Variants in TCN2 observed in about 807,000 individuals in gnomAD.
The protein encoded by TCN2 is transcobalamin 2, also known as transcobalamin-2.
TCN2 carries 34 observed loss-of-function variants against 48.6 expected under a neutral mutation model. The observed-to-expected ratio is 0.70, with a 90% CI of 0.53 to 0.93. TCN2 has a LOEUF of 0.93. TCN2 is among the 40% of genes least tolerant of loss of function. The pLI is 0.00. For missense variants in TCN2, 652 were observed against 526.1 expected, an observed-to-expected ratio of 1.24 and a Z score of -2.34; for synonymous variants, 283 against 212.5, an observed-to-expected ratio of 1.33 and a Z score of -2.89.
chr22:30,611,572 A>G (rs530193133), intron 2 of TCN2, among the ~76,000 whole-genome samples: 7 of 152,296 alleles, frequency 4.6e-5, no homozygotes, highest in African/African-American at 1.4e-4. Flanking sequence ...CAGTGGCACA[A>G]TCTTGGCTTG....
chr22:30,617,273 A>G (rs2087624525), intron 6 of TCN2, 57 bp from the exon 7 acceptor site: 1 of 1,611,648 alleles, frequency 6.2e-7, no homozygotes, highest in African/African-American at 1.3e-5. Context: ...CAAGAAGACA[A>G]ATAATCCAGG....
At chr22:30,624,376 C>G (rs2087772029) in intron 8 of TCN2, among the ~76,000 whole-genome samples, 1 of 151,826 alleles carries the variant, frequency 6.6e-6, no homozygotes, top group African/African-American at 2.4e-5. Context: ...GCCTGGCCTG[C>G]AAACAGACCC....
At chr22:30,607,945 G>A (rs1229104497) in intron 1 of TCN2, among the ~76,000 whole-genome samples, 18 of 150,408 alleles carry the variant, frequency 1.2e-4, no homozygotes, top group Non-Finnish European at 6.0e-5. Context: ...GCTGAAACTC[G>A]AAGGAAGAAA....
intron 7 of TCN2, among the ~76,000 whole-genome samples, chr22:30,621,589 T>C (rs2087700145): frequency 6.6e-6 from 1 of 152,152 alleles, no homozygotes; most frequent in South Asian, 2.1e-4. Context: ...TTCAAGTGAT[T>C]CTCCTGCCTC....
chr22:30,611,338 G>A (rs1334586260), intron 2 of TCN2, among the ~76,000 whole-genome samples: 9 of 152,122 alleles, frequency 5.9e-5, no homozygotes, highest in African/African-American at 1.9e-4. Context: ...ATGAGCCCAG[G>A]AGCAGCATCT....
At chr22:30,623,142 G>A in intron 8 of TCN2, 59 bp downstream of exon 8, 3 of 1,577,962 alleles carry the variant, frequency 1.9e-6, no homozygotes, top group South Asian at 1.1e-5. Flanking sequence ...TCAGCCAAGA[G>A]GCTTCATCAA....
chr22:30,614,471 G>C lies in TCN2; in HGVS notation c.550G>C (p.Glu184Gln), dbSNP rs1298409889. 1.9e-6 allele frequency: 3 copies of C among 1,614,046 alleles called. No individual in the cohort carries two copies. Among genetic ancestry groups the C allele is most frequent in the African/African-American group, 2.7e-5 (2 of 74,924 alleles). Reference protein sequence around the residue: ...SVVDKLLYAVEPFHQGHHSVD... With the variant: ...SVVDKLLYAVQPFHQGHHSVD... ...GGTGGACAAACTTCTGTATGCTGTGGAACCTTTCCACCAGGGCCACCATTC... is the reference window on the plus strand; with the variant it reads ...GGTGGACAAACTTCTGTATGCTGTGCAACCTTTCCACCAGGGCCACCATTC... Residue 184 changes from glutamate (E) to glutamine (Q), a missense_variant, in exon 4 of 9, where the codon GAA (glutamate) becomes CAA (glutamine). By Grantham distance (29) the Glu-to-Gln change is conservative. Transcript: ENST00000215838.
chr22:30,623,147 CA>C, intron 8 of TCN2, 64 bp downstream of exon 8: 1 of 1,540,888 alleles, frequency 6.5e-7, no homozygotes, highest in Non-Finnish European at 9.0e-7. Context: ...CAAGAGGCTT[CA>C]TCAACTCACC....
rs117458738 is a variant in TCN2, at chr22:30,617,387, C to T, written c.998C>T (p.Thr333Met). 1,848 of 1,614,146 alleles carry T rather than the reference C, an allele frequency of 1.1e-3. 35 individuals carry two copies. In the East Asian group the frequency reaches 0.033, roughly 29 times the overall value. The change falls in exon 7 of 9, where the codon ACG (threonine) becomes ATG (methionine). Residue 333 changes from threonine to methionine, a missense_variant. By Grantham distance (81) the Thr-to-Met change is moderately conservative. Coordinates refer to ENST00000215838, the MANE Select transcript of TCN2 (RefSeq NM_000355.4). ...IPQTQEIISV[T>M]LQVLSLLPPY... ...CAGACCCAAGAGATCATCAGTGTCA[C>T]GCTGCAGGTGCTTAGTCTCTTGCCG...
chr22:30,616,679 T>TA (rs760503360), intron 6 of TCN2, among the ~76,000 whole-genome samples: 4 of 151,816 alleles, frequency 2.6e-5, no homozygotes, highest in Non-Finnish European at 5.9e-5. Flanking sequence ...TAGACACCTA[T>TA]AATCCCAGCT....
chr22:30,625,582 C>T (rs1336737999), intron 8 of TCN2, among the ~76,000 whole-genome samples: 1 of 152,104 alleles, frequency 6.6e-6, no homozygotes, highest in Non-Finnish European at 1.5e-5. Flanking sequence ...CCCACCTCAG[C>T]CTCCTGAGTA....
intron 3 of TCN2, 49 bp from the exon 4 acceptor site, chr22:30,614,300 C>G (rs2087579543): frequency 6.3e-7 from 1 of 1,595,630 alleles, no homozygotes; most frequent in East Asian, 2.3e-5. Context: ...GCGGGGCTGG[C>G]TGCTGGGTGG....
chr22:30,612,449 C>A (rs4820884), intron 2 of TCN2, among the ~76,000 whole-genome samples: 5,534 of 152,110 alleles, frequency 0.036, 133 homozygotes, highest in African/African-American at 0.059. Flanking sequence ...ACTTGGGAGG[C>A]CGAGGCAGAA....
chr22:30,618,686 C>T (rs2087651843), intron 7 of TCN2, among the ~76,000 whole-genome samples: 1 of 151,694 alleles, frequency 6.6e-6, no homozygotes, highest in African/African-American at 2.4e-5. Flanking sequence ...CTCTGTTATC[C>T]AGGCTGAAGT....
chr22:30,615,400 G>C lies in TCN2; in HGVS notation c.680G>C (p.Arg227Pro), dbSNP rs17849434. The C allele has an allele frequency of 1.2e-6, 2 of 1,614,078 alleles. No individual in the cohort carries two copies. Among genetic ancestry groups the C allele is most frequent in the African/African-American group, 2.7e-5 (2 of 74,924 alleles). The change falls in exon 5 of 9, where the codon CGA becomes CCA. Residue 227 changes from arginine (R) to proline (P), a missense_variant. Physicochemically the swap from Arg to Pro is moderately radical, Grantham distance 103. Coordinates refer to ENST00000215838, the MANE Select transcript of TCN2 (RefSeq NM_000355.4). Reference sequence around the variant, plus strand: ...ATCACCATGGCCATCAGAACAGTGCGAGAGGAGATCTTGAAGGCCCAGACC... The same window carrying C: ...ATCACCATGGCCATCAGAACAGTGCCAGAGGAGATCTTGAAGGCCCAGACC... The part of the protein sequence containing the change: ...QRITMAIRTV[R>P]EEILKAQTPE...
chr22:30,613,180 C>T (rs1053746096), intron 3 of TCN2, 138 bp downstream of exon 3: 72 of 1,212,244 alleles, frequency 5.9e-5, no homozygotes, highest in Non-Finnish European at 7.6e-5. Flanking sequence ...TCACTGCCTA[C>T]GTAGAGGCTC....
chr22:30,618,871 G>A (rs1310470099), intron 7 of TCN2, among the ~76,000 whole-genome samples: 2 of 152,108 alleles, frequency 1.3e-5, no homozygotes, highest in African/African-American at 4.8e-5. Flanking sequence ...CCAGGTTCAA[G>A]CGATTCTCCT....
intron 5 of TCN2, 57 bp from the exon 6 acceptor site, chr22:30,615,542 AAC>A: frequency 6.2e-7 from 1 of 1,613,824 alleles, no homozygotes; most frequent in Non-Finnish European, 8.5e-7. Flanking sequence ...CAGGTGCTGG[AAC>A]ACCTAGCCCC....
chr22:30,607,920 A>G (rs944870655), intron 1 of TCN2, among the ~76,000 whole-genome samples: 1 of 152,230 alleles, frequency 6.6e-6, no homozygotes, highest in Non-Finnish European at 1.5e-5. Context: ...CTGAAGACCA[A>G]GAGGACACAT....
Sources: allele counts gnomAD v4.1 joint callset (sites outside exome capture counted in the v4.1 genomes callset), GRCh38; gene constraint gnomAD v4.1.1; transcripts MANE v1.5; gene names NCBI Gene and HGNC (gene_info 2026-07-23, HGNC 2026-07-21).